Variants in FBXW7 observed in about 807,000 individuals in gnomAD.
The protein encoded by FBXW7 is F-box/WD repeat-containing protein 7.
A neutral mutation model predicts 86.3 loss-of-function variants in FBXW7; 11 were observed. The observed-to-expected ratio is 0.13, with a 90% CI of 0.08 to 0.21. The LOEUF is 0.21. FBXW7 is among the 10% of genes least tolerant of loss of function. FBXW7 has a pLI of 1.00. For missense variants in FBXW7, 488 were observed against 847.4 expected, an observed-to-expected ratio of 0.58 and a Z score of 5.27; for synonymous variants, 313 against 297.9, an observed-to-expected ratio of 1.05 and a Z score of -0.52.
At chr4:152,503,596 T>G (rs973637483) in intron 2 of FBXW7, among the ~76,000 whole-genome samples, 8 of 151,916 alleles carry the variant, frequency 5.3e-5, no homozygotes, top group Non-Finnish European at 7.4e-5. Flanking sequence ...TAGGTGAAAT[T>G]TATTTGAAAG....
At chr4:152,414,257 C>A (rs78372436) in intron 2 of FBXW7, among the ~76,000 whole-genome samples, 4,010 of 152,210 alleles carry the variant, frequency 0.026, 78 homozygotes, top group South Asian at 0.052. Context: ...GAACATTAAA[C>A]AGAACTTCAG....
chr4:152,438,429 G>A (rs1740584229), intron 2 of FBXW7, among the ~76,000 whole-genome samples: 1 of 152,078 alleles, frequency 6.6e-6, no homozygotes, highest in Non-Finnish European at 1.5e-5. Context: ...TGTAATCTCA[G>A]CACTTTGGGA....
At chr4:152,447,462 C>A (rs114400771) in intron 2 of FBXW7, among the ~76,000 whole-genome samples, 1,545 of 152,266 alleles carry the variant, frequency 0.01, 22 homozygotes, top group African/African-American at 0.033. Context: ...TCTTTGACAG[C>A]ATCTGAGTTT....
At chr4:152,374,887 AG>A (rs140074565) in intron 4 of FBXW7, among the ~76,000 whole-genome samples, 2,372 of 150,440 alleles carry the variant, frequency 0.016, 39 homozygotes, top group East Asian at 0.044. Flanking sequence ...TAGTTACAGG[AG>A]GGGGGGGGAT....
At chr4:152,509,569 T>C (rs1747771601) in intron 2 of FBXW7, among the ~76,000 whole-genome samples, 1 of 152,102 alleles carries the variant, frequency 6.6e-6, no homozygotes, top group Non-Finnish European at 1.5e-5. Flanking sequence ...TAAACTATTA[T>C]TGCTTCCTGC....
At chr4:152,350,198 T>C in intron 4 of FBXW7, 74 bp from the exon 5 acceptor site, 2 of 760,860 alleles carry the variant, frequency 2.6e-6, no homozygotes, top group Non-Finnish European at 4.1e-6. Flanking sequence ...GCATGGTTAA[T>C]ATTTTAAATT....
At chr4:152,523,051 T>C (rs1749166897) in intron 2 of FBXW7, among the ~76,000 whole-genome samples, 1 of 152,228 alleles carries the variant, frequency 6.6e-6, no homozygotes, top group Non-Finnish European at 1.5e-5. Context: ...GTTCACAAAC[T>C]CAATTCAAGA....
intron 2 of FBXW7, among the ~76,000 whole-genome samples, chr4:152,438,949 T>C (rs762976923): frequency 1.3e-5 from 2 of 152,244 alleles, no homozygotes; most frequent in South Asian, 4.1e-4. Flanking sequence ...CATTAGTTCA[T>C]TCATTCATCA....
At chr4:152,422,659 T>C (rs1302166816) in intron 2 of FBXW7, among the ~76,000 whole-genome samples, 3 of 152,176 alleles carry the variant, frequency 2.0e-5, no homozygotes, top group Non-Finnish European at 4.4e-5. Flanking sequence ...AAAAACTTTA[T>C]ACCTTAGCAT....
chr4:152,441,866 T>C (rs1028167604), intron 2 of FBXW7, among the ~76,000 whole-genome samples: 6 of 152,244 alleles, frequency 3.9e-5, no homozygotes, highest in Non-Finnish European at 7.3e-5. Context: ...TTTGCTCCTA[T>C]GCTCACTTTT....
At chr4:152,457,203 A>T (rs1430561070) in intron 2 of FBXW7, among the ~76,000 whole-genome samples, 1 of 152,230 alleles carries the variant, frequency 6.6e-6, no homozygotes, top group Non-Finnish European at 1.5e-5. Context: ...AACAGAAAGC[A>T]AATCAGTGGT....
At chr4:152,481,467 T>G (rs1357525708) in intron 2 of FBXW7, among the ~76,000 whole-genome samples, 1 of 152,210 alleles carries the variant, frequency 6.6e-6, no homozygotes, top group Non-Finnish European at 1.5e-5. Context: ...GGCCATGGAT[T>G]GAGAAGCCCT....
intron 4 of FBXW7, among the ~76,000 whole-genome samples, chr4:152,409,829 A>G (rs1283465242): frequency 6.6e-6 from 1 of 152,180 alleles, no homozygotes; most frequent in Admixed American, 6.5e-5. Flanking sequence ...TTCTATGGTT[A>G]GAGCCCAGTC....
chr4:152,521,896 G>A (rs538173470), intron 2 of FBXW7, among the ~76,000 whole-genome samples: 7 of 134,928 alleles, frequency 5.2e-5, no homozygotes, highest in Non-Finnish European at 1.1e-4. Flanking sequence ...TCAGCTCACT[G>A]CAACCTCCGT....
At chr4:152,461,572 A>C (rs913787891) in intron 2 of FBXW7, among the ~76,000 whole-genome samples, 1 of 152,176 alleles carries the variant, frequency 6.6e-6, no homozygotes, top group Non-Finnish European at 1.5e-5. Flanking sequence ...GATTATATTT[A>C]GGGCTATTTT....
intron 2 of FBXW7, among the ~76,000 whole-genome samples, chr4:152,491,443 A>G (rs1282491526): frequency 6.6e-6 from 1 of 152,196 alleles, no homozygotes; most frequent in Non-Finnish European, 1.5e-5. Flanking sequence ...AATTAAGATA[A>G]AAGCTATGAA....
At chr4:152,407,440 T>G (rs1737514020) in intron 4 of FBXW7, among the ~76,000 whole-genome samples, 1 of 152,208 alleles carries the variant, frequency 6.6e-6, no homozygotes, top group African/African-American at 2.4e-5. Flanking sequence ...AAGTTGCTTG[T>G]CTTGCAGGTA....
chr4:152,437,386 A>G (rs1740479731), intron 2 of FBXW7, among the ~76,000 whole-genome samples: 1 of 152,150 alleles, frequency 6.6e-6, no homozygotes, highest in Non-Finnish European at 1.5e-5. Context: ...CTCAAAAAAA[A>G]AAAAAATTCA....
At chr4:152,355,368 A>G (rs745462336) in intron 4 of FBXW7, among the ~76,000 whole-genome samples, 11 of 152,080 alleles carry the variant, frequency 7.2e-5, no homozygotes, top group Middle Eastern at 3.2e-3. Context: ...TCTATTATCT[A>G]TGTTAAATAA....
Sources: gnomAD v4.1 joint callset for allele counts (sites outside exome capture counted in the v4.1 genomes callset) on GRCh38, gnomAD v4.1.1 for gene constraint, MANE v1.5 for transcripts, NCBI Gene and HGNC (gene_info 2026-07-23, HGNC 2026-07-21) for gene names.